Variants in TP53BP1 observed in about 807,000 individuals in gnomAD.
TP53BP1 encodes the protein tumor protein p53 binding protein 1, also known as TP53-binding protein 1.
A neutral mutation model predicts 200.8 loss-of-function variants in TP53BP1; 61 were observed. The ratio of observed to expected loss-of-function variants is 0.30; its 90% confidence interval spans 0.25 to 0.38. The LOEUF is 0.38. Ranked by LOEUF, TP53BP1 falls within the 10% of genes least tolerant of loss-of-function variation. The pLI is 1.00. For synonymous variants in TP53BP1, 822 were observed against 844.3 expected (o/e 0.97, Z 0.46); for missense variants, 2,144 against 2,371.9 (o/e 0.90, Z 2.00).
At chr15:43,437,068 A>C (rs1382311285) in intron 16 of TP53BP1, among the ~76,000 whole-genome samples, 1 of 151,784 alleles carries the variant, frequency 6.6e-6, no homozygotes, top group African/African-American at 2.4e-5. Context: ...TTCAGGCAGG[A>C]GGATTGCTTG....
chr15:43,506,840 CCT>C (rs2079239847), intron 1 of TP53BP1, among the ~76,000 whole-genome samples: 2 of 152,118 alleles, frequency 1.3e-5, no homozygotes, highest in South Asian at 4.1e-4. Context: ...TTCACTTCAG[CCT>C]CTGATTGGTG....
intron 11 of TP53BP1, among the ~76,000 whole-genome samples, chr15:43,458,546 G>A (rs779327279): frequency 1.3e-5 from 2 of 152,116 alleles, no homozygotes; most frequent in African/African-American, 2.4e-5. Flanking sequence ...TGGGGAGGCT[G>A]AGGTGGGAAA....
chr15:43,479,724 A>T, intron 6 of TP53BP1, 135 bp downstream of exon 6: 1 of 1,250,114 alleles, frequency 8.0e-7, no homozygotes, highest in Non-Finnish European at 1.1e-6. Flanking sequence ...TATTTACCAG[A>T]AAACTCTTCA....
intron 5 of TP53BP1, 152 bp from the exon 6 acceptor site, chr15:43,480,169 C>T: frequency 1.5e-6 from 1 of 682,182 alleles, no homozygotes; most frequent in Non-Finnish European, 2.4e-6. Flanking sequence ...ATAAATGTGG[C>T]CGAGCACGGT....
chr15:43,499,331 G>T (rs576247722), intron 1 of TP53BP1, among the ~76,000 whole-genome samples: 4 of 152,194 alleles, frequency 2.6e-5, no homozygotes, highest in Non-Finnish European at 5.9e-5. Context: ...TACCTGTGTG[G>T]CAAAATAATC....
In TP53BP1 at chr15:43,403,501, GT is replaced by G. The variant is rs975040445; in HGVS notation, c.*3881del. ...CGCTTAGCCAGGAAAGGATGCATTT[GT>G]TTTACGCATTTTGTGCGTCTGAGGG... is the stretch of plus-strand genomic sequence containing the variant. On this transcript the variant is annotated 3_prime_UTR_variant, in exon 28 of 28. Transcript: ENST00000382044. The G allele has an allele frequency of 7.1e-6, 4 of 566,356 alleles. No homozygotes were observed. In the Admixed American group the frequency reaches 9.4e-5, roughly 13 times the overall value. 35.1% of individuals were successfully genotyped at this position (566,356 alleles called of 1,614,324 possible). A position where few individuals can be genotyped will look rare whatever the true frequency, so the allele number is the denominator to read the frequency against.
In TP53BP1 at chr15:43,447,585, T is replaced by G. The variant is rs1595566756; in HGVS notation, c.2717-100A>C. 9 of 1,133,742 alleles carry G rather than the reference T, an allele frequency of 7.9e-6. No individual in the cohort carries two copies. The East Asian group carries it at 2.2e-4, about 28-fold the overall frequency. The allele number at this position is 1,133,742 out of a possible 1,614,324, so 70.2% of individuals were successfully genotyped here. Reference sequence around the variant, plus strand: ...AAAATAATAAGAACTGCAAGAAATATTTCAATCACTCTTTTCCTTTGCTCC... The same window carrying G: ...AAAATAATAAGAACTGCAAGAAATAGTTCAATCACTCTTTTCCTTTGCTCC... On this transcript the variant is annotated intron_variant, in intron 12 of 27. Transcript: ENST00000382044.
At chr15:43,508,961 T>G (rs866089624) in intron 1 of TP53BP1, among the ~76,000 whole-genome samples, 23 of 152,164 alleles carry the variant, frequency 1.5e-4, no homozygotes, top group African/African-American at 5.6e-4. Context: ...TATTGTCTAG[T>G]CTCTTTGTGA....
intron 23 of TP53BP1, chr15:43,415,358 G>A (rs1016971534): frequency 2.0e-5 from 12 of 609,974 alleles, no homozygotes; most frequent in East Asian, 9.1e-5. Flanking sequence ...ACAGGCGCCC[G>A]CCACCACACT....
At chr15:43,409,206 C>A in intron 25 of TP53BP1, 110 bp from the exon 26 acceptor site, 1 of 968,394 alleles carries the variant, frequency 1.0e-6, no homozygotes, top group Non-Finnish European at 1.6e-6. Flanking sequence ...CAACTACTAC[C>A]CAAAATGTGA....
intron 11 of TP53BP1, among the ~76,000 whole-genome samples, chr15:43,460,093 A>G (rs572714098): frequency 9.2e-5 from 14 of 152,174 alleles, no homozygotes; most frequent in Non-Finnish European, 2.1e-4. Context: ...TACACGTAAA[A>G]TAATTTTATT....
rs558802748 is a variant in TP53BP1 at position 43,425,177 on chromosome 15, A to T, written c.3828+2839T>A. On this transcript the variant is annotated intron_variant, in intron 18 of 27. Transcript: ENST00000382044. ...AGAAATAAATTTCTTTTATTTATAA[A>T]TTATCCAGTCTCAGGTGTTTAAATA... 3.3e-4 allele frequency among the ~76,000 whole-genome samples: 50 copies of T among 152,294 alleles called. No homozygotes were observed. The South Asian group carries it at 0.01, about 32-fold the overall frequency.
intron 10 of TP53BP1, among the ~76,000 whole-genome samples, chr15:43,472,332 A>G (rs35903301): frequency 0.17 from 26,613 of 152,214 alleles, 2,504 homozygotes; most frequent in Middle Eastern, 0.27. Context: ...CTATTATACC[A>G]TTACTTGTAT....
rs1449623338 is a variant in TP53BP1, at chr15:43,414,232, C to G, written c.5090-898G>C. On this transcript the variant is annotated intron_variant, in intron 23 of 27. Transcript: ENST00000382044. ...TTTGAATCCTGGCTTACTTTGTCAT[C>G]TTGGGAAAGTTAGCCAACTTTTCTG... is the stretch of plus-strand genomic sequence containing the variant. 30 of 411,662 alleles carry G rather than the reference C, an allele frequency of 7.3e-5. No homozygotes were observed. The Admixed American group carries it at 8.9e-4, about 12-fold the overall frequency. 25.5% of individuals were successfully genotyped at this position (411,662 alleles called of 1,614,324 possible). A position where few individuals can be genotyped will look rare whatever the true frequency, so the allele number is the denominator to read the frequency against.
intron 8 of TP53BP1, 72 bp downstream of exon 8, chr15:43,477,521 C>G: frequency 7.2e-7 from 1 of 1,389,342 alleles, no homozygotes; most frequent in Non-Finnish European, 9.5e-7. Flanking sequence ...GTAACTTAAC[C>G]AGTAGCCTCA....
At chr15:43,413,754 C>T (rs2045191809) in intron 23 of TP53BP1, among the ~76,000 whole-genome samples, 1 of 151,830 alleles carries the variant, frequency 6.6e-6, no homozygotes, top group South Asian at 2.1e-4. Flanking sequence ...CTGATTTCCC[C>T]CAGGGTATGA....
Position 43,404,144 on chromosome 15 carries a change from C to T in TP53BP1, c.*3239G>A. The T allele has an allele frequency of 1.9e-6, 1 of 525,688 alleles. No individual in the cohort carries two copies. The highest frequency in any genetic ancestry group is 3.4e-6 in the Non-Finnish European group (1 of 296,444). 32.6% of individuals were successfully genotyped at this position (525,688 alleles called of 1,614,324 possible). A position where few individuals can be genotyped will look rare whatever the true frequency, so the allele number is the denominator to read the frequency against. On this transcript the variant is annotated 3_prime_UTR_variant, in exon 28 of 28. Transcript: ENST00000382044. The stretch of plus-strand genomic sequence containing the variant: ...CTGCTTGTAATCAAAACGGGTTCTC[C>T]CCAACCCCAGTACTTGACAAAATAC...
intron 13 of TP53BP1, 68 bp downstream of exon 13, chr15:43,447,298 T>C: frequency 6.6e-7 from 1 of 1,518,748 alleles, no homozygotes; most frequent in Non-Finnish European, 8.9e-7. Context: ...AGATCTAAAA[T>C]ATCACTTGTG....
chr15:43,409,573 C>T (rs2045041950), intron 25 of TP53BP1, 74 bp downstream of exon 25: 2 of 796,890 alleles, frequency 2.5e-6, no homozygotes, highest in Non-Finnish European at 1.9e-6. Context: ...CAACCCCTCC[C>T]AGGCCTCTTC....
Sources: allele counts gnomAD v4.1 joint callset (sites outside exome capture counted in the v4.1 genomes callset), GRCh38; gene constraint gnomAD v4.1.1; transcripts MANE v1.5; gene names NCBI Gene and HGNC (gene_info 2026-07-23, HGNC 2026-07-21).